The following UHRF2 variants were observed in gnomAD, a reference collection of about 807,000 sequenced individuals.
The protein encoded by UHRF2 is ubiquitin like with PHD and ring finger domains 2.
Under a neutral mutation model 96.8 loss-of-function variants are expected in UHRF2, and 23 were observed. The ratio of observed to expected loss-of-function variants is 0.24; its 90% confidence interval spans 0.17 to 0.34. The LOEUF (loss-of-function observed/expected upper bound fraction) is 0.34, where lower values mean the gene tolerates loss of function less well. Ranked by LOEUF, UHRF2 falls within the 10% of genes least tolerant of loss-of-function variation. UHRF2 has a pLI of 1.00. For missense variants in UHRF2, 685 were observed against 981.5 expected (o/e 0.70, Z 4.04); for synonymous variants, 385 against 332.6 (o/e 1.16, Z -1.72).
chr9:6,450,902 T>C (rs571168397), intron 3 of UHRF2, among the ~76,000 whole-genome samples: 7 of 152,032 alleles, frequency 4.6e-5, no homozygotes, highest in African/African-American at 1.5e-4. Flanking sequence ...TAGTCTGTGC[T>C]GCTTACTGAT....
chr9:6,488,535 CTTTTCTTTTTTTTTTT>C (rs1399666963), intron 9 of UHRF2, among the ~76,000 whole-genome samples: 2 of 113,476 alleles, frequency 1.8e-5, no homozygotes, highest in Non-Finnish European at 3.6e-5. Context: ...TTCTCTTTTT[CTTTTCTTTTTTTTTTT>C]TTTTTTTTTT....
intron 9 of UHRF2, among the ~76,000 whole-genome samples, chr9:6,490,474 A>C (rs1824593738): frequency 6.6e-6 from 1 of 152,138 alleles, no homozygotes; most frequent in African/African-American, 2.4e-5. Context: ...CTAAAAGTAC[A>C]AAAATTACCC....
intron 4 of UHRF2, among the ~76,000 whole-genome samples, chr9:6,467,986 C>T (rs950802400): frequency 2.0e-5 from 3 of 152,122 alleles, no homozygotes; most frequent in Admixed American, 2.0e-4. Flanking sequence ...CACCTCATCA[C>T]AGTCTTTTTT....
intron 3 of UHRF2, among the ~76,000 whole-genome samples, chr9:6,447,384 T>A (rs1183014303): frequency 1.3e-5 from 2 of 152,202 alleles, no homozygotes; most frequent in East Asian, 3.8e-4. Context: ...AACATGGTAC[T>A]TGCTCCTCAG....
chr9:6,505,874 C>T (rs535615864), intron 15 of UHRF2, among the ~76,000 whole-genome samples, 159 bp from the exon 16 acceptor site: 1 of 152,346 alleles, frequency 6.6e-6, no homozygotes, highest in Admixed American at 6.5e-5. Flanking sequence ...AAAGCCATGA[C>T]TGTAGTCTTT....
chr9:6,504,015 CTTTTTTTTT>C lies in UHRF2; in HGVS notation c.2164-558_2164-550del, dbSNP rs35325264. On this transcript the variant is annotated intron_variant, in intron 14 of 15. Transcript: ENST00000276893. ...GTACTTGATTTTTTTAAATAGAAGA[CTTTTTTTTT>C]TTTTTTTTTTTTTTTTTTTAAGACC... Among the ~76,000 whole-genome samples the C allele has an allele frequency of 8.2e-4, 65 of 78,940 alleles. 1 individual carries two copies. The highest frequency in any genetic ancestry group is 5.2e-3 in the South Asian group (12 of 2,304). 51.8% of individuals were successfully genotyped at this position (78,940 alleles called of 152,430 possible). A position where few individuals can be genotyped will look rare whatever the true frequency, so the allele number is the denominator to read the frequency against.
At chr9:6,488,194 GAT>G (rs1483985336) in intron 9 of UHRF2, among the ~76,000 whole-genome samples, 1 of 140,692 alleles carries the variant, frequency 7.1e-6, no homozygotes, top group Admixed American at 7.4e-5. Context: ...AGTGAGCCAT[GAT>G]CATGCCAGCG....
intron 6 of UHRF2, among the ~76,000 whole-genome samples, chr9:6,480,856 C>T (rs1823884085): frequency 6.6e-6 from 1 of 152,130 alleles, no homozygotes; most frequent in Non-Finnish European, 1.5e-5. Context: ...CAAAGTATCT[C>T]ATAATTGGAT....
At chr9:6,424,603 C>T (rs757423306) in intron 2 of UHRF2, among the ~76,000 whole-genome samples, 9 of 152,004 alleles carry the variant, frequency 5.9e-5, no homozygotes, top group Admixed American at 3.3e-4. Context: ...TATCCCACAC[C>T]TAGTTTTCCC....
chr9:6,427,835 A>G (rs1420714480), intron 2 of UHRF2, among the ~76,000 whole-genome samples: 3 of 152,230 alleles, frequency 2.0e-5, no homozygotes, highest in Non-Finnish European at 4.4e-5. Flanking sequence ...AGAGCCTATG[A>G]AAGATTGTAC....
intron 2 of UHRF2, among the ~76,000 whole-genome samples, chr9:6,433,675 G>T (rs144746395): frequency 7.2e-5 from 11 of 152,288 alleles, no homozygotes; most frequent in African/African-American, 2.2e-4. Context: ...AAGGCGTAAA[G>T]AAAACACCTA....
At chr9:6,483,927 G>C (rs561969655) in intron 8 of UHRF2, among the ~76,000 whole-genome samples, 2 of 152,134 alleles carry the variant, frequency 1.3e-5, no homozygotes, top group Non-Finnish European at 2.9e-5. Flanking sequence ...AACCTCGGGT[G>C]ATCTGCCTGT....
At chr9:6,453,845 C>T (rs1477715960) in intron 3 of UHRF2, among the ~76,000 whole-genome samples, 4 of 152,078 alleles carry the variant, frequency 2.6e-5, no homozygotes, top group Non-Finnish European at 5.9e-5. Flanking sequence ...GCGGAGGTTA[C>T]ACTGAGCTGA....
intron 3 of UHRF2, among the ~76,000 whole-genome samples, chr9:6,452,173 C>T (rs529928674): frequency 1.3e-5 from 2 of 151,822 alleles, no homozygotes; most frequent in South Asian, 4.1e-4. Flanking sequence ...TATTATGTAC[C>T]TGTATTATGT....
At chr9:6,450,772 G>A (rs1821808997) in intron 3 of UHRF2, among the ~76,000 whole-genome samples, 1 of 152,140 alleles carries the variant, frequency 6.6e-6, no homozygotes, top group Non-Finnish European at 1.5e-5. Context: ...CAAGTTTAAA[G>A]TGACATAATA....
rs60522189 is a variant in UHRF2, at chr9:6,416,535, C to CTTTTT, written c.153+2913_153+2917dup. On this transcript the variant is annotated intron_variant, in intron 1 of 15. Coordinates refer to ENST00000276893, the MANE Select transcript of UHRF2 (RefSeq NM_152896.3). ...AGATTATGTTGGTGGATCTCTAAAT[C>CTTTTT]TTTTTTTTTTTTTTTTTTTTTTTTT... 1.3e-3 allele frequency among the ~76,000 whole-genome samples: 84 copies of CTTTTT among 64,966 alleles called. 2 individuals are homozygous for CTTTTT. Among genetic ancestry groups the CTTTTT allele is most frequent in the African/African-American group, 3.4e-3 (54 of 16,076 alleles). The allele number at this position is 64,966 out of a possible 152,430, so 42.6% of individuals were successfully genotyped here.
At chr9:6,445,120 A>G (rs1258841858) in intron 3 of UHRF2, among the ~76,000 whole-genome samples, 5 of 104,692 alleles carry the variant, frequency 4.8e-5, no homozygotes, top group Non-Finnish European at 1.0e-4. Flanking sequence ...GCAAAACCCT[A>G]TCTCTTATTT....
intron 3 of UHRF2, among the ~76,000 whole-genome samples, chr9:6,454,492 T>C (rs968005048): frequency 3.3e-5 from 5 of 152,212 alleles, no homozygotes; most frequent in African/African-American, 1.2e-4. Context: ...CAGTATCAAG[T>C]ACCTTCTCTT....
intron 3 of UHRF2, chr9:6,449,614 A>G (rs1318015352): frequency 6.6e-6 from 1 of 152,232 alleles, no homozygotes; most frequent in Non-Finnish European, 1.5e-5. Flanking sequence ...TGGTCAGCTT[A>G]TATGGGTTGG....
Sources: allele counts gnomAD v4.1 joint callset (sites outside exome capture counted in the v4.1 genomes callset), GRCh38; gene constraint gnomAD v4.1.1; transcripts MANE v1.5; gene names NCBI Gene and HGNC (gene_info 2026-07-23, HGNC 2026-07-21).